Variants in KIF26B observed in about 807,000 individuals in gnomAD.
The protein encoded by KIF26B is kinesin family member 26B.
KIF26B carries 63 observed loss-of-function variants against 151.2 expected under a neutral mutation model. That is an observed-to-expected ratio of 0.42 (90% CI 0.34 to 0.51). The LOEUF (loss-of-function observed/expected upper bound fraction) is 0.51, where lower values mean the gene tolerates loss of function less well. KIF26B is among the 20% of genes least tolerant of loss of function. The pLI, the probability that KIF26B is intolerant of heterozygous loss-of-function variation, is 0.07. For synonymous variants in KIF26B, 1,357 were observed against 1,262.1 expected, an observed-to-expected ratio of 1.08 and a Z score of -1.59; for missense variants, 2,813 against 2,913.6, an observed-to-expected ratio of 0.97 and a Z score of 0.79.
At chr1:245,374,117 ATATATATATATATATATATATG>A (rs1369139363) in intron 3 of KIF26B, among the ~76,000 whole-genome samples, 11 of 83,124 alleles carry the variant, frequency 1.3e-4, no homozygotes, top group Admixed American at 3.9e-4. Context: ...ATATATATAT[ATATATATATATATATATATATG>A]GGCACAAAAG....
chr1:245,269,766 C>A (rs1276195374), intron 2 of KIF26B, among the ~76,000 whole-genome samples: 1 of 151,830 alleles, frequency 6.6e-6, no homozygotes, highest in Non-Finnish European at 1.5e-5. Context: ...CCTGCCCCCA[C>A]CCCCTGCCAC....
rs368258830 is a variant in KIF26B at position 245,652,145 on chromosome 1, T to TGTGA, written c.2258+5866_2258+5867insTGAG. On this transcript the variant is annotated intron_variant, in intron 10 of 14. Transcript: ENST00000407071. ...GTGTGTGTGTGTGTGTGTGTGTGTGTGAGAGAGACATATGCATATTTAACC... is the reference window on the plus strand; with the variant it reads ...GTGTGTGTGTGTGTGTGTGTGTGTGTGTGAGAGAGAGACATATGCATATTTAACC... Among the ~76,000 whole-genome samples, 395 of 142,742 alleles carry TGTGA rather than the reference T, an allele frequency of 2.8e-3. 3 individuals carry two copies. Among genetic ancestry groups the TGTGA allele is most frequent in the African/African-American group, 9.2e-3 (335 of 36,448 alleles). The allele number at this position is 142,742 out of a possible 152,430, so 93.6% of individuals were successfully genotyped here.
intron 4 of KIF26B, among the ~76,000 whole-genome samples, chr1:245,474,344 G>A (rs1280994982): frequency 3.3e-5 from 5 of 150,944 alleles, no homozygotes; most frequent in Admixed American, 2.0e-4. Flanking sequence ...TCCTGACCTC[G>A]TGATCCACCT....
chr1:245,350,367 A>G (rs965189532), intron 2 of KIF26B, among the ~76,000 whole-genome samples: 1 of 152,144 alleles, frequency 6.6e-6, no homozygotes, highest in African/African-American at 2.4e-5. Context: ...GCAGGTCCTT[A>G]TGTAGCTCCA....
At chr1:245,684,936 C>G (rs867261100) in intron 11 of KIF26B, among the ~76,000 whole-genome samples, 9 of 152,352 alleles carry the variant, frequency 5.9e-5, no homozygotes, top group African/African-American at 1.2e-4. Flanking sequence ...CAGGCAGAGG[C>G]CAAGCCAGGA....
chr1:245,502,126 G>A (rs1478203727), intron 4 of KIF26B, among the ~76,000 whole-genome samples: 1 of 152,212 alleles, frequency 6.6e-6, no homozygotes, highest in Non-Finnish European at 1.5e-5. Flanking sequence ...GACAGTGAGT[G>A]CAGCATGATT....
intron 6 of KIF26B, among the ~76,000 whole-genome samples, chr1:245,604,655 G>A (rs116145354): frequency 0.018 from 2,723 of 152,210 alleles, 44 homozygotes; most frequent in African/African-American, 0.043. Context: ...CTATGAATGC[G>A]TTTTAGATTT....
intron 2 of KIF26B, among the ~76,000 whole-genome samples, chr1:245,346,424 C>T (rs1165474001): frequency 6.6e-6 from 1 of 152,126 alleles, no homozygotes; most frequent in East Asian, 1.9e-4. Context: ...TCCTGGAGAC[C>T]CCTGGCTTTG....
intron 10 of KIF26B, among the ~76,000 whole-genome samples, chr1:245,671,440 G>C (rs572589093): frequency 6.6e-6 from 1 of 152,196 alleles, no homozygotes; most frequent in Admixed American, 6.5e-5. Flanking sequence ...CAAATTCATA[G>C]AGACACAAAG....
intron 2 of KIF26B, among the ~76,000 whole-genome samples, chr1:245,203,704 CTCCCTGGAGGTGCCGCATGAAAGCGCTTT>C (rs371195623): frequency 3.5e-3 from 537 of 152,328 alleles, no homozygotes; most frequent in African/African-American, 0.013. Context: ...CCTCTCCCTG[CTCCCTGGAGGTGCCGCATGAAAGCGCTTT>C]TCCCTGGACG....
rs1397121995 is a variant in KIF26B, at chr1:245,591,894, C to G, written c.1351-10683C>G. ...TAATTGGTGGGGGGACCTGGCCCCC[C>G]AAGCCTGCCGGCCATTAGCAGTGCC... On this transcript the variant is annotated intron_variant, in intron 5 of 14. Transcript: ENST00000407071. Among the ~76,000 whole-genome samples the G allele has an allele frequency of 2.0e-5, 3 of 152,186 alleles. No individual in the cohort carries two copies. The South Asian group carries it at 6.2e-4, about 32-fold the overall frequency.
At chr1:245,278,582 C>T (rs1670979742) in intron 2 of KIF26B, among the ~76,000 whole-genome samples, 1 of 152,124 alleles carries the variant, frequency 6.6e-6, no homozygotes, top group Admixed American at 6.5e-5. Context: ...AGCATGCTTA[C>T]TAAGTCTTAA....
chr1:245,402,048 G>A (rs1489269957), intron 3 of KIF26B, among the ~76,000 whole-genome samples: 1 of 152,178 alleles, frequency 6.6e-6, no homozygotes, highest in African/African-American at 2.4e-5. Flanking sequence ...GGAGGATTGA[G>A]GCTCCCCTAG....
chr1:245,377,295 G>A (rs913130661), intron 3 of KIF26B, among the ~76,000 whole-genome samples: 2 of 152,208 alleles, frequency 1.3e-5, no homozygotes, highest in South Asian at 2.1e-4. Flanking sequence ...GCCGTGCTGT[G>A]CTTCCTCTGA....
At position 245,516,308 on chromosome 1, in the gene KIF26B, G is replaced by A. The variant is rs989008277; in HGVS notation, c.1167-24459G>A. Reference sequence around the variant, plus strand: ...CTTCAGAAAATGCTATTTGCAGAACGGCAACAACAAAACGTGTAACAGGAA... The same window carrying A: ...CTTCAGAAAATGCTATTTGCAGAACAGCAACAACAAAACGTGTAACAGGAA... On this transcript the variant is annotated intron_variant, in intron 4 of 14. Transcript: ENST00000407071. The surrounding 1 kb of genome is among the most constrained non-coding windows in gnomAD (Gnocchi z 4.2). 1.3e-5 allele frequency among the ~76,000 whole-genome samples: 2 copies of A among 152,098 alleles called. No homozygotes were observed. Among genetic ancestry groups the A allele is most frequent in the African/African-American group, 2.4e-5 (1 of 41,418 alleles).
chr1:245,514,649 T>C (rs1660910118), intron 4 of KIF26B, among the ~76,000 whole-genome samples: 1 of 152,226 alleles, frequency 6.6e-6, no homozygotes, highest in Admixed American at 6.5e-5. Context: ...CTGCAAGTTT[T>C]CCTGACCAGA....
At chr1:245,440,381 C>A (rs190088319) in intron 4 of KIF26B, among the ~76,000 whole-genome samples, 3 of 152,064 alleles carry the variant, frequency 2.0e-5, no homozygotes, top group African/African-American at 7.2e-5. Context: ...TCATTTGGCA[C>A]GTGGATAGAT....
rs1201757625 is a variant in KIF26B, at chr1:245,319,075, T to A, written c.466-47759T>A. On this transcript the variant is annotated intron_variant, in intron 2 of 14. Transcript: ENST00000407071. ...CACTAAGGAAATAGACCCAAGGAGGTTAAACTCAGTAGAGAGCTATGGGTA... is the reference window on the plus strand; with the variant it reads ...CACTAAGGAAATAGACCCAAGGAGGATAAACTCAGTAGAGAGCTATGGGTA... 2.0e-5 allele frequency among the ~76,000 whole-genome samples: 3 copies of A among 152,110 alleles called. No individual in the cohort carries two copies. The East Asian group carries it at 5.8e-4, about 29-fold the overall frequency.
intron 2 of KIF26B, among the ~76,000 whole-genome samples, chr1:245,340,682 G>A (rs1034159912): frequency 6.6e-6 from 1 of 152,078 alleles, no homozygotes; most frequent in African/African-American, 2.4e-5. Flanking sequence ...TGCTTTCATC[G>A]GGTTTATATT....
Sources: allele counts gnomAD v4.1 joint callset (sites outside exome capture counted in the v4.1 genomes callset), GRCh38; gene constraint gnomAD v4.1.1; non-coding constraint Gnocchi (gnomAD v3.1); transcripts MANE v1.5; gene names NCBI Gene and HGNC (gene_info 2026-07-23, HGNC 2026-07-21).